Variants in TMEM232 observed in about 807,000 individuals in gnomAD.
The protein encoded by TMEM232 is transmembrane protein 232.
In TMEM232, 80 loss-of-function variants were observed where a neutral mutation model predicts 78.8. That is an observed-to-expected ratio of 1.01 (90% CI 0.85 to 1.22). The LOEUF (loss-of-function observed/expected upper bound fraction) is 1.22, where lower values mean the gene tolerates loss of function less well. TMEM232 is among the 50% of genes most tolerant of loss of function. TMEM232 has a pLI of 0.00. For synonymous variants in TMEM232, 297 were observed against 254.3 expected (o/e 1.17, Z -1.60); for missense variants, 881 against 742.2 (o/e 1.19, Z -2.17).
At chr5:110,737,694 A>C (rs541616484) in intron 1 of TMEM232, among the ~76,000 whole-genome samples, 142 of 151,976 alleles carry the variant, frequency 9.3e-4, no homozygotes, top group Non-Finnish European at 1.7e-3. Context: ...CATATTTCTG[A>C]TTTGCCTTTA....
At chr5:110,427,297 G>A (rs571825866) in intron 12 of TMEM232, among the ~76,000 whole-genome samples, 3 of 151,960 alleles carry the variant, frequency 2.0e-5, no homozygotes, top group African/African-American at 4.8e-5. Context: ...TTTTCACAAG[G>A]AATAAGAAGG....
intron 2 of TMEM232, among the ~76,000 whole-genome samples, chr5:110,409,126 G>T (rs1030919584): frequency 5.3e-5 from 8 of 152,078 alleles, no homozygotes; most frequent in African/African-American, 1.9e-4. Flanking sequence ...AATTTACTTT[G>T]TTGTTACTTT....
chr5:110,534,815 CT>C (rs1306465196), intron 11 of TMEM232, among the ~76,000 whole-genome samples: 1 of 152,146 alleles, frequency 6.6e-6, no homozygotes, highest in Non-Finnish European at 1.5e-5. Flanking sequence ...ATTCTTAGAC[CT>C]TTTATACCTG....
intron 12 of TMEM232, among the ~76,000 whole-genome samples, chr5:110,446,909 T>C (rs901404356): frequency 1.8e-4 from 28 of 151,876 alleles, no homozygotes; most frequent in African/African-American, 5.8e-4. Context: ...CCAGAATCTA[T>C]ATGTTCTATG....
At chr5:110,418,335 G>A (rs1756344593), downstream of TMEM232, among the ~76,000 whole-genome samples, 2 of 151,982 alleles carry the variant, frequency 1.3e-5, no homozygotes. Context: ...TCAGTAACTT[G>A]CCTAATGTTC....
intron 5 of TMEM232, among the ~76,000 whole-genome samples, chr5:110,631,727 T>C (rs73226243): frequency 6.6e-6 from 1 of 152,142 alleles, no homozygotes; most frequent in Non-Finnish European, 1.5e-5. Flanking sequence ...ACAGGCAAGC[T>C]TGAGCTGCAT....
chr5:110,508,120 C>T (rs34919051), intron 12 of TMEM232, among the ~76,000 whole-genome samples: 2 of 151,968 alleles, frequency 1.3e-5, no homozygotes, highest in African/African-American at 4.8e-5. Flanking sequence ...GAAAAAAAAC[C>T]CCAAGGGGAT....
At chr5:110,504,366 G>A (rs1766623062) in intron 12 of TMEM232, among the ~76,000 whole-genome samples, 1 of 152,014 alleles carries the variant, frequency 6.6e-6, no homozygotes, top group Middle Eastern at 3.2e-3. Flanking sequence ...TGCTGATACG[G>A]GAATAGAAGA....
chr5:110,695,045 G>A (rs970438705), intron 1 of TMEM232, among the ~76,000 whole-genome samples: 1 of 152,132 alleles, frequency 6.6e-6, no homozygotes, highest in Non-Finnish European at 1.5e-5. Flanking sequence ...TGAACACATA[G>A]TTGGAAGTAA....
intron 10 of TMEM232, among the ~76,000 whole-genome samples, chr5:110,604,219 A>C (rs912537251): frequency 6.6e-6 from 1 of 152,180 alleles, no homozygotes; most frequent in African/African-American, 2.4e-5. Context: ...ATTTTTCACA[A>C]TAAATCTGTA....
At chr5:110,646,565 G>C (rs1335949710) in intron 2 of TMEM232, among the ~76,000 whole-genome samples, 3 of 151,716 alleles carry the variant, frequency 2.0e-5, no homozygotes, top group Admixed American at 6.6e-5. Flanking sequence ...ATGATTTAAA[G>C]ACTTAAATGT....
intron 12 of TMEM232, among the ~76,000 whole-genome samples, chr5:110,454,337 G>C (rs1480532671): frequency 2.6e-5 from 4 of 151,942 alleles, no homozygotes; most frequent in Non-Finnish European, 5.9e-5. Flanking sequence ...TTAAACTAAA[G>C]AAAAGTAAGT....
intron 13 of TMEM232, among the ~76,000 whole-genome samples, chr5:110,421,446 T>C (rs1756635142): frequency 1.3e-5 from 2 of 151,594 alleles, no homozygotes; most frequent in Admixed American, 1.3e-4. Flanking sequence ...TAGGAGGAAC[T>C]TTTTTTCTCT....
At chr5:110,681,362 C>G (rs868765881) in intron 1 of TMEM232, among the ~76,000 whole-genome samples, 1 of 152,064 alleles carries the variant, frequency 6.6e-6, no homozygotes, top group African/African-American at 2.4e-5. Context: ...GGCAGGAATG[C>G]TAGGTACTTG....
intron 10 of TMEM232, among the ~76,000 whole-genome samples, chr5:110,596,336 G>C (rs1310972418): frequency 6.6e-6 from 1 of 152,118 alleles, no homozygotes; most frequent in South Asian, 2.1e-4. Context: ...TCTCTGAATA[G>C]ACCAATAACA....
intron 1 of TMEM232, 106 bp from the exon 2 acceptor site, chr5:110,667,470 T>A: frequency 1.2e-6 from 1 of 856,146 alleles, no homozygotes; most frequent in Non-Finnish European, 1.7e-6. Flanking sequence ...AGAACTAAAG[T>A]TAGGCTTAAG....
intron 7 of TMEM232, among the ~76,000 whole-genome samples, chr5:110,621,132 G>C (rs1783695017): frequency 2.0e-5 from 3 of 151,734 alleles, no homozygotes; most frequent in South Asian, 4.2e-4. Flanking sequence ...CAAAGTGCTG[G>C]GATTACAGGC....
At chr5:110,526,504 T>C (rs1770625368) in intron 12 of TMEM232, among the ~76,000 whole-genome samples, 1 of 151,978 alleles carries the variant, frequency 6.6e-6, no homozygotes. Flanking sequence ...ACACTGTATT[T>C]AGAAACCATA....
chr5:110,441,797 ATAAC>A (rs796723977), intron 12 of TMEM232, among the ~76,000 whole-genome samples: 59 of 152,338 alleles, frequency 3.9e-4, no homozygotes, highest in Non-Finnish European at 5.3e-4. Flanking sequence ...AACTAAATTT[ATAAC>A]TAACTAAATA....
Sources: gnomAD v4.1 joint callset for allele counts (sites outside exome capture counted in the v4.1 genomes callset) on GRCh38, gnomAD v4.1.1 for gene constraint, MANE v1.5 for transcripts, NCBI Gene and HGNC (gene_info 2026-07-23, HGNC 2026-07-21) for gene names.